Variants in NCCRP1 observed in about 807,000 individuals in gnomAD.
NCCRP1 encodes the protein NCCRP1, F-box associated domain containing.
A neutral mutation model predicts 34.4 loss-of-function variants in NCCRP1; 32 were observed. That is an observed-to-expected ratio of 0.93 (90% CI 0.70 to 1.25). NCCRP1 has a LOEUF of 1.25. Ranked by LOEUF, NCCRP1 falls within the 50% of genes most tolerant of loss-of-function variation. NCCRP1 has a pLI of 0.00. For missense variants in NCCRP1, 372 were observed against 391.8 expected (o/e 0.95, Z 0.43); for synonymous variants, 172 against 180.1 (o/e 0.95, Z 0.36).
rs776383964 is a variant in NCCRP1 at position 39,197,220 on chromosome 19, C to T, written c.238C>T (p.Leu80=). The T allele has an allele frequency of 1.7e-5, 25 of 1,450,464 alleles. No homozygotes were observed. Among genetic ancestry groups the T allele is most frequent in the Middle Eastern group, 2.3e-4 (1 of 4,322 alleles). 89.8% of individuals were successfully genotyped at this position (1,450,464 alleles called of 1,614,324 possible). ...GCTGCTGCTGGAGGAGTGGGGGCCGCTGAGCGGGGGCCTGGAGCTGCCCCA... is the reference window on the plus strand; with the variant it reads ...GCTGCTGCTGGAGGAGTGGGGGCCGTTGAGCGGGGGCCTGGAGCTGCCCCA... ...RQLLLEEWGP[L]SGGLELPQRL... Residue 80 remains leucine, a synonymous_variant, in exon 1 of 6, where the codon CTG becomes TTG. Transcript: ENST00000339852.
intron 1 of NCCRP1, 32 bp downstream of exon 1, chr19:39,197,351 C>A (rs1280064844): frequency 2.2e-6 from 3 of 1,390,424 alleles, no homozygotes; most frequent in African/African-American, 3.0e-5. Flanking sequence ...CCAGGAGGCA[C>A]CACCCTGACC....
rs1309730089 is a variant in NCCRP1, at chr19:39,200,397, G to A, written c.600G>A (p.Leu200=). The change falls in exon 5 of 6, where the codon CTG becomes CTA. Residue 200 remains leucine (L), a synonymous_variant. Coordinates refer to ENST00000339852, the MANE Select transcript of NCCRP1 (RefSeq NM_001001414.2). The surrounding 1 kb of genome is among the most constrained non-coding windows in gnomAD (Gnocchi z 5.8). ...GCGTCTATGAGCTGCATGTCTGGCT[G>A]CTGGCGGCCGACCGCCGCACGGTCA... The part of the protein sequence containing the change: ...DACVYELHVW[L]LAADRRTVIA... 6.2e-7 allele frequency: 1 copy of A among 1,613,374 alleles called. No homozygotes were observed. Among genetic ancestry groups the A allele is most frequent in the South Asian group, 1.1e-5 (1 of 91,084 alleles).
At chr19:39,198,395 G>A in intron 3 of NCCRP1, 142 bp downstream of exon 3, 3 of 905,538 alleles carry the variant, frequency 3.3e-6, no homozygotes, top group East Asian at 2.6e-5. Flanking sequence ...GAGAATGCTT[G>A]TAAAACACAC....
chr19:39,197,100 C>G lies in NCCRP1; in HGVS notation c.118C>G (p.Pro40Ala). The change falls in exon 1 of 6, where the codon CCA (proline) becomes GCA (alanine). Residue 40 changes from proline to alanine, a missense_variant. Coordinates refer to ENST00000339852, the MANE Select transcript of NCCRP1 (RefSeq NM_001001414.2). ...RSPSPPPSPP[P>A]LPSPPSLPSP... is the part of the protein sequence containing the mutation. ...GCCTTCACCGCCGCCGTCGCCGCCACCACTGCCCTCGCCGCCGTCGCTGCC... is the reference window on the plus strand; with the variant it reads ...GCCTTCACCGCCGCCGTCGCCGCCAGCACTGCCCTCGCCGCCGTCGCTGCC... 1 of 1,525,190 alleles carries G rather than the reference C, an allele frequency of 6.6e-7. No homozygotes were observed. Among genetic ancestry groups the G allele is most frequent in the Non-Finnish European group, 8.7e-7 (1 of 1,142,918 alleles). 94.5% of individuals were successfully genotyped at this position (1,525,190 alleles called of 1,614,324 possible).
Position 39,201,312 on chromosome 19 carries a change from CTTT to C in NCCRP1, c.*570_*572del, listed in dbSNP as rs60036622. 6 of 137,630 alleles carry C rather than the reference CTTT, an allele frequency of 4.4e-5. No individual in the cohort carries two copies. Among genetic ancestry groups the C allele is most frequent in the Admixed American group, 7.5e-5 (1 of 13,374 alleles). 8.5% of individuals were successfully genotyped at this position (137,630 alleles called of 1,614,324 possible). ...TCCCCTTAGCATCTCCACTTACCTACTTTTTTTTTTTTTTTTGAGATGGCATCT... is the reference window on the plus strand; with the variant it reads ...TCCCCTTAGCATCTCCACTTACCTACTTTTTTTTTTTTTGAGATGGCATCT... On this transcript the variant is annotated 3_prime_UTR_variant, in exon 6 of 6. Transcript: ENST00000339852.
At position 39,200,400 on chromosome 19, in the gene NCCRP1, G is replaced by C; in HGVS notation, c.603G>C (p.Leu201=). 6.2e-7 allele frequency: 1 copy of C among 1,613,508 alleles called. No individual in the cohort carries two copies. The highest frequency in any genetic ancestry group is 8.5e-7 in the Non-Finnish European group (1 of 1,180,012). ...ACVYELHVWL[L]AADRRTVIAQ... is the part of the protein sequence containing the mutation. ...TCTATGAGCTGCATGTCTGGCTGCT[G>C]GCGGCCGACCGCCGCACGGTCATTG... The change falls in exon 5 of 6, where the codon CTG becomes CTC. Residue 201 remains leucine (L), a synonymous_variant. Coordinates refer to ENST00000339852, the MANE Select transcript of NCCRP1 (RefSeq NM_001001414.2). The surrounding 1 kb of genome is among the most constrained non-coding windows in gnomAD (Gnocchi z 5.8).
In NCCRP1 at chr19:39,197,861, C is replaced by G. The variant is rs1009378915; in HGVS notation, c.338-192C>G. 2.0e-5 allele frequency among the ~76,000 whole-genome samples: 3 copies of G among 152,150 alleles called. No homozygotes were observed. In the East Asian group the frequency reaches 5.8e-4, roughly 29 times the overall value. Reference sequence around the variant, plus strand: ...TCTCTGTCCCTCTGTCTCTGTCTGTCTCACCACACCCCACTTACCCCTGGC... The same window carrying G: ...TCTCTGTCCCTCTGTCTCTGTCTGTGTCACCACACCCCACTTACCCCTGGC... On this transcript the variant is annotated intron_variant, in intron 1 of 5. Coordinates refer to ENST00000339852, the MANE Select transcript of NCCRP1 (RefSeq NM_001001414.2).
In NCCRP1 at chr19:39,200,521, G is replaced by C. The variant is rs370150617; in HGVS notation, c.687+37G>C. The C allele has an allele frequency of 6.2e-7, 1 of 1,610,690 alleles. No individual in the cohort carries two copies. Among genetic ancestry groups the C allele is most frequent in the Non-Finnish European group, 8.5e-7 (1 of 1,178,748 alleles). On this transcript the variant is annotated intron_variant, in intron 5 of 5. Transcript: ENST00000339852. The surrounding 1 kb of genome is among the most constrained non-coding windows in gnomAD (Gnocchi z 5.8). ...CGCGCCGGGGCCCTCAACCCCAGAC[G>C]TGTGTTCTTGTCCCAAGACCTCACA...
chr19:39,200,469 T>C lies in NCCRP1; in HGVS notation c.672T>C (p.Pro224=). 1.2e-6 allele frequency: 2 copies of C among 1,613,396 alleles called. No individual in the cohort carries two copies. Among genetic ancestry groups the C allele is most frequent in the Non-Finnish European group, 1.7e-6 (2 of 1,180,000 alleles). The change falls in exon 5 of 6, where the codon CCT becomes CCC. Residue 224 remains proline (P), a synonymous_variant. Coordinates refer to ENST00000339852, the MANE Select transcript of NCCRP1 (RefSeq NM_001001414.2). This position sits in a 1 kb window ranked among gnomAD's most constrained non-coding sequence, Gnocchi z 5.8. ...VAPRTSGRGP[P]GRWVQVSHVF... ...CCCGAACTTCTGGGAGAGGACCCCC[T>C]GGCCGCTGGGTCCAGGTGAGACTCT...
Position 39,197,177 on chromosome 19 carries a change from C to T in NCCRP1, c.195C>T (p.Ser65=), listed in dbSNP as rs772399956. 67 of 1,431,076 alleles carry T rather than the reference C, an allele frequency of 4.7e-5. No individual in the cohort carries two copies. The African/African-American group carries it at 9.8e-4, about 21-fold the overall frequency. 88.6% of individuals were successfully genotyped at this position (1,431,076 alleles called of 1,614,324 possible). A position where few individuals can be genotyped will look rare whatever the true frequency, so the allele number is the denominator to read the frequency against. Residue 65 remains serine, a synonymous_variant, in exon 1 of 6, where the codon TCC becomes TCT. Transcript: ENST00000339852. ...AGCTCCCCGAGCCGGCGCAGCCGTC[C>T]GAGGCTCACGCCCGGCAGCTGCTGC... The part of the protein sequence containing the change: ...APELPEPAQP[S]EAHARQLLLE...
intron 4 of NCCRP1, 23 bp downstream of exon 4, chr19:39,199,288 C>A: frequency 6.2e-7 from 1 of 1,607,414 alleles, no homozygotes; most frequent in Non-Finnish European, 8.5e-7. Flanking sequence ...CCCCTGCCAG[C>A]CTGACCCCGT....
chr19:39,199,979 A>T (rs1329013199), intron 4 of NCCRP1, among the ~76,000 whole-genome samples: 4 of 151,542 alleles, frequency 2.6e-5, no homozygotes, highest in Non-Finnish European at 5.9e-5. Flanking sequence ...TTCCAGCCCC[A>T]ACCCCTCTGC....
Position 39,201,050 on chromosome 19 carries a change from G to A in NCCRP1, c.*294G>A, listed in dbSNP as rs529123773. The A allele has an allele frequency of 4.2e-5, 15 of 352,994 alleles. No homozygotes were observed. Among genetic ancestry groups the A allele is most frequent in the Admixed American group, 9.0e-5 (2 of 22,150 alleles). The allele number at this position is 352,994 out of a possible 1,614,324, so 21.9% of individuals were successfully genotyped here. ...CCTGTGCCCAAGGATGCTGAGGGCTGGTCTCTGCTTCTTTGAACTTCACTG... is the reference window on the plus strand; with the variant it reads ...CCTGTGCCCAAGGATGCTGAGGGCTAGTCTCTGCTTCTTTGAACTTCACTG... On this transcript the variant is annotated 3_prime_UTR_variant, in exon 6 of 6. Transcript: ENST00000339852.
chr19:39,197,977 C>A lies in NCCRP1; in HGVS notation c.338-76C>A, dbSNP rs535877244. The stretch of plus-strand genomic sequence containing the variant: ...AGATTCCTGCCCTTCCAGTGTATAG[C>A]CCTGCGGGTAGGGAGGGGTGAGGCG... On this transcript the variant is annotated intron_variant, in intron 1 of 5. Transcript: ENST00000339852. 2.5e-4 allele frequency: 375 copies of A among 1,522,818 alleles called. 2 individuals are homozygous for A. The highest frequency in any genetic ancestry group is 3.2e-4 in the Non-Finnish European group (355 of 1,099,370). 94.3% of individuals were successfully genotyped at this position (1,522,818 alleles called of 1,614,324 possible).
At position 39,200,465 on chromosome 19, in the gene NCCRP1, C is replaced by T. The variant is rs766210483; in HGVS notation, c.668C>T (p.Pro223Leu). 4.3e-6 allele frequency: 7 copies of T among 1,613,414 alleles called. No homozygotes were observed. Among genetic ancestry groups the T allele is most frequent in the South Asian group, 1.1e-5 (1 of 91,082 alleles). ...GCCCCCCGAACTTCTGGGAGAGGACCCCCTGGCCGCTGGGTCCAGGTGAGA... is the reference window on the plus strand; with the variant it reads ...GCCCCCCGAACTTCTGGGAGAGGACTCCCTGGCCGCTGGGTCCAGGTGAGA... ...HVAPRTSGRG[P>L]PGRWVQVSHV... The change falls in exon 5 of 6, where the codon CCC becomes CTC. Residue 223 changes from proline to leucine, a missense_variant. Pro to Leu is a moderately conservative substitution (Grantham distance 98). Coordinates refer to ENST00000339852, the MANE Select transcript of NCCRP1 (RefSeq NM_001001414.2). This position sits in a 1 kb window ranked among gnomAD's most constrained non-coding sequence, Gnocchi z 5.8.
At position 39,198,218 on chromosome 19, in the gene NCCRP1, G is replaced by A; in HGVS notation, c.417G>A (p.Trp139Ter). Residue 139 changes from tryptophan to a stop codon, truncating the protein, a stop_gained, in exon 3 of 6, where the codon TGG becomes TGA. Coordinates refer to ENST00000339852, the MANE Select transcript of NCCRP1 (RefSeq NM_001001414.2). LOFTEE classifies it high-confidence loss of function. ...AACCTGCAGGCAATTTCCGTGGCTG[G>A]TACATTAGAACTGAAAAGCTCCAGC... The part of the protein sequence containing the change: ...PLETLGNFRG[W>*]YIRTEKLQQN... 2 of 1,614,134 alleles carry A rather than the reference G, an allele frequency of 1.2e-6. No individual in the cohort carries two copies. The highest frequency in any genetic ancestry group is 1.7e-6 in the Non-Finnish European group (2 of 1,180,026).
rs546803192 is a variant in NCCRP1, at chr19:39,200,021, G to T, written c.549-325G>T. ...CCCCAATTCCGACCCCAACCCCTCTGCCTGTGTCCCCAGTTCTGTCCCCAA... is the reference window on the plus strand; with the variant it reads ...CCCCAATTCCGACCCCAACCCCTCTTCCTGTGTCCCCAGTTCTGTCCCCAA... On this transcript the variant is annotated intron_variant, in intron 4 of 5. Transcript: ENST00000339852. This position sits in a 1 kb window ranked among gnomAD's most constrained non-coding sequence, Gnocchi z 5.8. 1.5e-4 allele frequency among the ~76,000 whole-genome samples: 22 copies of T among 151,238 alleles called. No individual in the cohort carries two copies. Among genetic ancestry groups the T allele is most frequent in the South Asian group, 4.2e-4 (2 of 4,764 alleles).
chr19:39,200,091 C>T lies in NCCRP1; in HGVS notation c.549-255C>T, dbSNP rs968063275. On this transcript the variant is annotated intron_variant, in intron 4 of 5. Coordinates refer to ENST00000339852, the MANE Select transcript of NCCRP1 (RefSeq NM_001001414.2). The surrounding 1 kb of genome is among the most constrained non-coding windows in gnomAD (Gnocchi z 5.8). Reference sequence around the variant, plus strand: ...CCATCCTGGCCCTGACCCCTCTGCCCGTGCTCCCCATCCCAAACCTGGCCG... The same window carrying T: ...CCATCCTGGCCCTGACCCCTCTGCCTGTGCTCCCCATCCCAAACCTGGCCG... Among the ~76,000 whole-genome samples the T allele has an allele frequency of 2.0e-5, 3 of 152,132 alleles. No individual in the cohort carries two copies. Among genetic ancestry groups the T allele is most frequent in the Non-Finnish European group, 2.9e-5 (2 of 68,020 alleles).
At chr19:39,198,791 C>T (rs377712120) in intron 3 of NCCRP1, among the ~76,000 whole-genome samples, 11 of 152,138 alleles carry the variant, frequency 7.2e-5, no homozygotes, top group African/African-American at 1.7e-4. Flanking sequence ...TTCTAAGGCT[C>T]TTTCCCTGGG....
Sources: gnomAD v4.1 joint callset for allele counts (sites outside exome capture counted in the v4.1 genomes callset) on GRCh38, gnomAD v4.1.1 for gene constraint, Gnocchi (gnomAD v3.1) non-coding constraint, MANE v1.5 for transcripts, NCBI Gene and HGNC (gene_info 2026-07-23, HGNC 2026-07-21) for gene names.